The following GSE1 variants were observed in gnomAD, a reference collection of about 807,000 sequenced individuals.
GSE1 encodes Gse1 coiled-coil protein.
Under a neutral mutation model 112.6 loss-of-function variants are expected in GSE1, and 32 were observed. That is an observed-to-expected ratio of 0.28 (90% CI 0.21 to 0.38). The LOEUF (loss-of-function observed/expected upper bound fraction) is 0.38, where lower values mean the gene tolerates loss of function less well. GSE1 is among the 10% of genes least tolerant of loss of function. The pLI is 1.00. For synonymous variants in GSE1, 1,115 were observed against 735.6 expected (o/e 1.52, Z -8.35); for missense variants, 2,348 against 1,699.2 (o/e 1.38, Z -6.71).
At chr16:85,514,439 C>G (rs923515247) in intron 2 of GSE1, among the ~76,000 whole-genome samples, 7 of 142,664 alleles carry the variant, frequency 4.9e-5, no homozygotes, top group South Asian at 2.5e-4. Context: ...CCCCCCCCAC[C>G]CCAGGGCAGC....
chr16:85,234,108 T>C (rs1904354959), intron 1 of GSE1, among the ~76,000 whole-genome samples: 1 of 152,176 alleles, frequency 6.6e-6, no homozygotes, highest in Non-Finnish European at 1.5e-5. Context: ...AGGCGTCTGG[T>C]TCTGGTGGGC....
chr16:85,303,857 G>A (rs2045592288), intron 1 of GSE1, among the ~76,000 whole-genome samples: 1 of 152,352 alleles, frequency 6.6e-6, no homozygotes, highest in Admixed American at 6.5e-5. Context: ...AGAAGGCTGG[G>A]AATCGCCTGG....
intron 2 of GSE1, among the ~76,000 whole-genome samples, chr16:85,460,344 C>T (rs1250904163): frequency 1.3e-5 from 2 of 152,144 alleles, no homozygotes; most frequent in East Asian, 1.9e-4. Context: ...CTCAGGGGTG[C>T]GGCCCAGCCT....
Position 85,668,354 on chromosome 16 carries a change from G to C in GSE1, c.3345G>C (p.Glu1115Asp), listed in dbSNP as rs765320328. The C allele has an allele frequency of 1.2e-6, 2 of 1,612,714 alleles. No individual in the cohort carries two copies. Among genetic ancestry groups the C allele is most frequent in the Non-Finnish European group, 1.7e-6 (2 of 1,179,444 alleles). ...AGGATGATGAAGATGGAGAAGATGAGGAGGAAGTCCCCAAGCGCAAGTGGC... is the reference window on the plus strand; with the variant it reads ...AGGATGATGAAGATGGAGAAGATGACGAGGAAGTCCCCAAGCGCAAGTGGC... ...EEEDDEDGED[E>D]EEVPKRKWQG... The change falls in exon 14 of 16, where the codon GAG becomes GAC. Residue 1115 changes from glutamate to aspartate, a missense_variant. Glu to Asp is a conservative substitution (Grantham distance 45). Coordinates refer to ENST00000253458, the MANE Select transcript of GSE1 (RefSeq NM_014615.5).
At chr16:85,533,506 A>G (rs1355022727) in intron 2 of GSE1, among the ~76,000 whole-genome samples, 1 of 152,178 alleles carries the variant, frequency 6.6e-6, no homozygotes, top group Non-Finnish European at 1.5e-5. Context: ...GTACCTAAAA[A>G]TGACTCAAAT....
intron 1 of GSE1, among the ~76,000 whole-genome samples, chr16:85,562,064 A>G (rs1163818653): frequency 3.3e-5 from 5 of 152,232 alleles, no homozygotes; most frequent in Admixed American, 6.5e-5. Flanking sequence ...CGCCGGAGCC[A>G]CCCAAGACCC....
chr16:85,327,751 G>A (rs1021875342), intron 1 of GSE1, among the ~76,000 whole-genome samples: 3 of 152,204 alleles, frequency 2.0e-5, no homozygotes, highest in Non-Finnish European at 4.4e-5. Context: ...AAGACTGCAT[G>A]GATTCATACA....
intron 2 of GSE1, among the ~76,000 whole-genome samples, chr16:85,471,319 A>T (rs2050289476): frequency 6.6e-6 from 1 of 152,254 alleles, no homozygotes; most frequent in South Asian, 2.1e-4. Context: ...CTCCAACCTC[A>T]TTTAGTCACA....
intron 1 of GSE1, among the ~76,000 whole-genome samples, chr16:85,623,942 GCACT>G (rs1435110741): frequency 1.3e-5 from 2 of 152,294 alleles, no homozygotes; most frequent in Non-Finnish European, 1.5e-5. Flanking sequence ...ATAGGTACTG[GCACT>G]CACTCGGTAC....
intron 2 of GSE1, among the ~76,000 whole-genome samples, chr16:85,362,244 C>T (rs886800311): frequency 6.6e-6 from 1 of 152,250 alleles, no homozygotes; most frequent in African/African-American, 2.4e-5. Flanking sequence ...CAGTTGAGCT[C>T]ATCTCTTTCC....
intron 1 of GSE1, among the ~76,000 whole-genome samples, chr16:85,334,797 G>T (rs751726157): frequency 1.3e-5 from 2 of 152,228 alleles, no homozygotes; most frequent in Non-Finnish European, 2.9e-5. Context: ...CTGAGAAACT[G>T]CGGAGCCAGG....
At chr16:85,510,653 C>T (rs937522701) in intron 2 of GSE1, among the ~76,000 whole-genome samples, 3 of 152,226 alleles carry the variant, frequency 2.0e-5, no homozygotes, top group Admixed American at 6.5e-5. Flanking sequence ...TGTGGGTGCA[C>T]GTAGCTTTGG....
intron 2 of GSE1, among the ~76,000 whole-genome samples, chr16:85,365,268 C>G (rs1341812148): frequency 6.6e-6 from 1 of 152,252 alleles, no homozygotes; most frequent in African/African-American, 2.4e-5. Flanking sequence ...GTCTCCCTGT[C>G]TGCTTCTGAG....
intron 2 of GSE1, among the ~76,000 whole-genome samples, chr16:85,504,329 T>G (rs991951338): frequency 6.6e-6 from 1 of 152,200 alleles, no homozygotes; most frequent in African/African-American, 2.4e-5. Flanking sequence ...GCCACACACT[T>G]TCCCCTTAGA....
At chr16:85,613,237 G>A, upstream of GSE1, 2 of 1,515,364 alleles carry the variant, frequency 1.3e-6, no homozygotes, top group Admixed American at 2.2e-5. Flanking sequence ...GACAGCAGCA[G>A]GTGTTTCTTG....
At chr16:85,608,500 C>G (rs1488315144), upstream of GSE1, among the ~76,000 whole-genome samples, 2 of 151,700 alleles carry the variant, frequency 1.3e-5, no homozygotes, top group Admixed American at 6.6e-5. Context: ...GAGGTAAGAG[C>G]GTAGACCTGA....
chr16:85,593,236 C>T (rs1002016359), intron 1 of GSE1: 2 of 152,266 alleles, frequency 1.3e-5, no homozygotes, highest in African/African-American at 4.8e-5. Flanking sequence ...CACGGGCCAG[C>T]TCTCACTGTG....
exon 1 of GSE1, chr16:85,171,190 C>G: frequency 1.0e-6 from 1 of 985,682 alleles, no homozygotes; most frequent in Non-Finnish European, 1.2e-6. Flanking sequence ...GAACGAGGAG[C>G]TCATCACCTC....
intron 1 of GSE1, among the ~76,000 whole-genome samples, chr16:85,328,926 G>T (rs1416188049): frequency 6.6e-6 from 1 of 152,208 alleles, no homozygotes; most frequent in African/African-American, 2.4e-5. Flanking sequence ...AGAGGAAGAG[G>T]ATGACAGGGC....
Sources: allele counts gnomAD v4.1 joint callset (sites outside exome capture counted in the v4.1 genomes callset), GRCh38; gene constraint gnomAD v4.1.1; transcripts MANE v1.5; gene names NCBI Gene and HGNC (gene_info 2026-07-23, HGNC 2026-07-21).